Variants in ASIC2 observed in about 807,000 individuals in gnomAD.
The protein encoded by ASIC2 is acid sensing ion channel subunit 2.
A neutral mutation model predicts 57.3 loss-of-function variants in ASIC2; 25 were observed. That is an observed-to-expected ratio of 0.44 (90% CI 0.32 to 0.61). The LOEUF (loss-of-function observed/expected upper bound fraction) is 0.61. Among genes scored for constraint, ASIC2 ranks in the 20% least tolerant of loss-of-function variants. ASIC2 has a pLI of 0.06. For missense variants in ASIC2, 641 were observed against 738.1 expected (o/e 0.87, Z 1.52); for synonymous variants, 319 against 307.5 (o/e 1.04, Z -0.39).
chr17:33,799,406 T>C lies in ASIC2; in HGVS notation c.555+356572A>G, dbSNP rs867392060. On this transcript the variant is annotated intron_variant, in intron 1 of 9. Coordinates refer to the ASIC2 transcript ENST00000359872. ...TCTTTCTTTCTTTCTTTCTTTCTTT[T>C]CTTTCTTTCTTTCTTTCTTTCTTCT... is the stretch of plus-strand genomic sequence containing the variant. Among the ~76,000 whole-genome samples the C allele has an allele frequency of 5.0e-3, 272 of 53,900 alleles. 3 individuals are homozygous for C. Among genetic ancestry groups the C allele is most frequent in the African/African-American group, 0.016 (220 of 13,618 alleles). 35.4% of individuals were successfully genotyped at this position (53,900 alleles called of 152,430 possible). A position where few individuals can be genotyped will look rare whatever the true frequency, so the allele number is the denominator to read the frequency against.
chr17:33,530,114 G>A (rs1346902532), intron 1 of ASIC2: 2 of 152,188 alleles, frequency 1.3e-5, no homozygotes, highest in African/African-American at 4.8e-5. Flanking sequence ...ACGTGCCTGG[G>A]GCTTCCAAGT....
chr17:33,528,657 A>G (rs1187369373), intron 1 of ASIC2, among the ~76,000 whole-genome samples: 2 of 152,182 alleles, frequency 1.3e-5, no homozygotes, highest in African/African-American at 2.4e-5. Context: ...AAGGGAAGAA[A>G]AAAGCAAAAG....
intron 1 of ASIC2, among the ~76,000 whole-genome samples, chr17:33,446,383 T>G (rs1912017855): frequency 6.6e-6 from 1 of 152,166 alleles, no homozygotes; most frequent in Non-Finnish European, 1.5e-5. Context: ...AGTCTGGAAT[T>G]TCCAGCCTCT....
chr17:34,140,570 C>A (rs1159348420), intron 1 of ASIC2, among the ~76,000 whole-genome samples: 1 of 152,020 alleles, frequency 6.6e-6, no homozygotes, highest in African/African-American at 2.4e-5. Context: ...AGAAAATGAA[C>A]CTGAACATCT....
rs374457569 is a variant in ASIC2, at chr17:33,988,226, C to T, written c.555+167752G>A. Among the ~76,000 whole-genome samples the T allele has an allele frequency of 3.3e-4, 51 of 152,328 alleles. 3 individuals carry two copies. The South Asian group carries it at 6.4e-3, about 19-fold the overall frequency. ...ACACATATAAAATACAAGGCACTTT[C>T]CAGGGAAAGCAACTAACATTTACTG... On this transcript the variant is annotated intron_variant, in intron 1 of 9. Transcript: ENST00000359872.
intron 1 of ASIC2, among the ~76,000 whole-genome samples, chr17:33,117,194 A>T (rs540926921): frequency 6.6e-6 from 1 of 150,428 alleles, no homozygotes; most frequent in Non-Finnish European, 1.5e-5. Flanking sequence ...TTTTTTTGAG[A>T]CAGAGTCTCA....
chr17:34,086,730 G>A (rs1399639154), intron 1 of ASIC2, among the ~76,000 whole-genome samples: 7 of 152,282 alleles, frequency 4.6e-5, no homozygotes, highest in South Asian at 2.1e-4. Flanking sequence ...CTCCTGTATT[G>A]GGTGCGTATA....
At chr17:33,932,741 A>AAAAAAAAATATATATATATAT (rs1555572867) in intron 1 of ASIC2, 6 of 58,698 alleles carry the variant, frequency 1.0e-4, no homozygotes, top group East Asian at 8.4e-4. Flanking sequence ...AAAAAAAAAA[A>AAAAAAAAATATATATATATAT]ATATATATAT....
At chr17:33,356,631 G>T (rs139680068) in intron 1 of ASIC2, among the ~76,000 whole-genome samples, 1 of 152,214 alleles carries the variant, frequency 6.6e-6, no homozygotes, top group Non-Finnish European at 1.5e-5. Context: ...AACACGGAGC[G>T]TGTTAACCTC....
chr17:33,975,806 T>A (rs1005475018), intron 1 of ASIC2, among the ~76,000 whole-genome samples: 11 of 152,130 alleles, frequency 7.2e-5, no homozygotes, highest in Admixed American at 7.2e-4. Context: ...CACCTCTTCT[T>A]TCCCTGTTCA....
At chr17:33,977,134 C>T (rs1248764067) in intron 1 of ASIC2, among the ~76,000 whole-genome samples, 4 of 151,822 alleles carry the variant, frequency 2.6e-5, no homozygotes, top group Admixed American at 1.3e-4. Context: ...ACACTTAATC[C>T]GGAGAGATAT....
chr17:33,750,723 C>T lies in ASIC2; in HGVS notation c.555+405255G>A, dbSNP rs113101480. On this transcript the variant is annotated intron_variant, in intron 1 of 9. Coordinates refer to the ASIC2 transcript ENST00000359872. ...AGATCATTGAGACATCAGGCATTGT[C>T]TGATTGGGCTAGGGACTCAGCAGGG... 4.6e-3 allele frequency among the ~76,000 whole-genome samples: 697 copies of T among 152,218 alleles called. 4 individuals are homozygous for T. Among genetic ancestry groups the T allele is most frequent in the Middle Eastern group, 0.02 (6 of 294 alleles).
At chr17:33,282,021 CTA>C (rs1904969876) in intron 1 of ASIC2, among the ~76,000 whole-genome samples, 1 of 152,210 alleles carries the variant, frequency 6.6e-6, no homozygotes, top group African/African-American at 2.4e-5. Context: ...ATTTCTGAAA[CTA>C]GATGCATGTT....
At chr17:33,531,581 A>G (rs927318017) in intron 1 of ASIC2, among the ~76,000 whole-genome samples, 1 of 152,160 alleles carries the variant, frequency 6.6e-6, no homozygotes, top group Non-Finnish European at 1.5e-5. Flanking sequence ...AGTCACTGCT[A>G]AAAATTCTGC....
At chr17:33,164,546 TGGAAACAGCTGTCCCAAAAGCAC>T (rs1199455873) in intron 1 of ASIC2, among the ~76,000 whole-genome samples, 3 of 150,990 alleles carry the variant, frequency 2.0e-5, no homozygotes, top group Non-Finnish European at 2.9e-5. Flanking sequence ...CCAGGCTCTC[TGGAAACAGCTGTCCCAAAAGCAC>T]ATGCACGCAC....
intron 1 of ASIC2, among the ~76,000 whole-genome samples, chr17:34,011,819 TCC>T (rs902630026): frequency 6.6e-6 from 1 of 152,152 alleles, no homozygotes; most frequent in African/African-American, 2.4e-5. Flanking sequence ...CTCACCCCAC[TCC>T]CCGCCCCTTC....
intron 1 of ASIC2, among the ~76,000 whole-genome samples, chr17:33,118,810 A>G (rs2092290507): frequency 6.6e-6 from 1 of 152,096 alleles, no homozygotes; most frequent in African/African-American, 2.4e-5. Context: ...CTGTTTGCAC[A>G]TGCCAGGGCT....
At chr17:34,105,800 G>A (rs989134684) in intron 1 of ASIC2, among the ~76,000 whole-genome samples, 1 of 151,960 alleles carries the variant, frequency 6.6e-6, no homozygotes, top group Non-Finnish European at 1.5e-5. Context: ...ACATCTGAAG[G>A]TGATTTATAT....
intron 1 of ASIC2, among the ~76,000 whole-genome samples, chr17:33,476,909 GC>G (rs1401249511): frequency 2.6e-5 from 4 of 152,070 alleles, no homozygotes; most frequent in African/African-American, 9.7e-5. Context: ...GGACTTTTCA[GC>G]CTCAGCAGTT....
Sources: gnomAD v4.1 joint callset for allele counts (sites outside exome capture counted in the v4.1 genomes callset) on GRCh38, gnomAD v4.1.1 for gene constraint, MANE v1.5 for transcripts, NCBI Gene and HGNC (gene_info 2026-07-23, HGNC 2026-07-21) for gene names.